The following ASAH2B variants were observed in gnomAD, a reference collection of about 807,000 sequenced individuals.
The protein encoded by ASAH2B is N-acylsphingosine amidohydrolase 2B.
In ASAH2B, 1 loss-of-function variant was observed where a neutral mutation model predicts 2.9. The ratio of observed to expected loss-of-function variants is 0.34; its 90% CI spans 0.12 to 1.63. The LOEUF (loss-of-function observed/expected upper bound fraction) is 1.63, where lower values mean the gene tolerates loss of function less well. ASAH2B is among the 40% of genes most tolerant of loss of function. ASAH2B has a pLI of 0.36. For synonymous variants in ASAH2B, 4 were observed against 13.3 expected (o/e 0.30, Z 1.52); for missense variants, 9 against 37.7 (o/e 0.24, Z 1.99).
At chr10:50,747,174 T>G (rs1412084664) in intron 3 of ASAH2B, among the ~76,000 whole-genome samples, 1 of 150,906 alleles carries the variant, frequency 6.6e-6, no homozygotes, top group East Asian at 1.9e-4. Context: ...AATTTTGAGT[T>G]AATTTTTATA....
chr10:50,742,872 A>G (rs375438645), intron 1 of ASAH2B, 43 bp from the exon 2 acceptor site: 21 of 1,599,402 alleles, frequency 1.3e-5, no homozygotes, highest in Non-Finnish European at 1.8e-5. Context: ...AAATGGATTT[A>G]AATATGCAGA....
At position 50,757,233 on chromosome 10, in the gene ASAH2B, A is replaced by G. The variant is rs567059378; in HGVS notation, c.*2493A>G. On this transcript the variant is annotated 3_prime_UTR_variant, in exon 6 of 6. Coordinates refer to ENST00000647317, the MANE Select transcript of ASAH2B (RefSeq NM_001321958.2). Reference sequence around the variant, plus strand: ...AATGTAGACAAACGAACACTTTTTTAAAAAAAGAGGTGGAACAAAAGGTGG... The same window carrying G: ...AATGTAGACAAACGAACACTTTTTTGAAAAAAGAGGTGGAACAAAAGGTGG... The G allele has an allele frequency of 6.6e-6, 1 of 151,394 alleles. No homozygotes were observed. The highest frequency in any genetic ancestry group is 2.4e-5 in the African/African-American group (1 of 41,326). The allele number at this position is 151,394 out of a possible 1,614,324, so 9.4% of individuals were successfully genotyped here. A position where few individuals can be genotyped will look rare whatever the true frequency, so the allele number is the denominator to read the frequency against.
chr10:50,741,540 C>T (rs1839831302), intron 1 of ASAH2B, among the ~76,000 whole-genome samples: 1 of 152,170 alleles, frequency 6.6e-6, no homozygotes, highest in African/African-American at 2.4e-5. Flanking sequence ...GAAGATGTAA[C>T]ATCTGTATGA....
intron 5 of ASAH2B, among the ~76,000 whole-genome samples, chr10:50,754,180 G>T (rs1188258227): frequency 4.3e-3 from 644 of 148,938 alleles, no homozygotes; most frequent in African/African-American, 0.015. Context: ...TATATATATA[G>T]AAAACAAATG....
In ASAH2B at chr10:50,755,751, C is replaced by A. The variant is rs1256933215; in HGVS notation, c.*1011C>A. 4,506 of 148,046 alleles carry A rather than the reference C, an allele frequency of 0.03. No individual in the cohort carries two copies. Among genetic ancestry groups the A allele is most frequent in the African/African-American group, 0.11 (4,215 of 39,668 alleles). 9.2% of individuals were successfully genotyped at this position (148,046 alleles called of 1,614,324 possible). On this transcript the variant is annotated 3_prime_UTR_variant, in exon 6 of 6. Transcript: ENST00000647317. ...TTATATGCCCAGAATTATAATAGTG[C>A]CTAGGCCTTGATAATTAGTGAATTT... is the stretch of plus-strand genomic sequence containing the variant.
intron 3 of ASAH2B, among the ~76,000 whole-genome samples, chr10:50,749,024 C>T (rs1453735739): frequency 6.6e-6 from 1 of 151,300 alleles, no homozygotes; most frequent in African/African-American, 2.4e-5. Flanking sequence ...TTCAAATATT[C>T]CCTGTATTTG....
intron 5 of ASAH2B, among the ~76,000 whole-genome samples, 188 bp from the exon 6 acceptor site, chr10:50,754,362 GT>G (rs1837036817): frequency 8.6e-6 from 1 of 115,944 alleles, no homozygotes; most frequent in Non-Finnish European, 1.7e-5. Flanking sequence ...GTTCTTTAAA[GT>G]TTCTCTTCTA....
In ASAH2B at chr10:50,741,518, G is replaced by A. The variant is rs557532371; in HGVS notation, c.-99-1397G>A. Among the ~76,000 whole-genome samples the A allele has an allele frequency of 3.3e-5, 5 of 152,330 alleles. No individual in the cohort carries two copies. The South Asian group carries it at 1.0e-3, about 32-fold the overall frequency. ...AGCCCAGACTGGGTATTTGAGTACT[G>A]GGACTGTTCAGGAAGATGTAACATC... On this transcript the variant is annotated intron_variant, in intron 1 of 5. Transcript: ENST00000647317.
chr10:50,758,890 TATGGTC>T lies in ASAH2B; in HGVS notation c.*4151_*4156del, dbSNP rs1297047664. On this transcript the variant is annotated 3_prime_UTR_variant, in exon 6 of 6. Coordinates refer to ENST00000647317, the MANE Select transcript of ASAH2B (RefSeq NM_001321958.2). ...TCAGGGAATTAGAGAGGGCACCTAA[TATGGTC>T]TTGGGGATGTTTCAGTAAGTTTCCT... 3 of 151,942 alleles carry T rather than the reference TATGGTC, an allele frequency of 2.0e-5. No individual in the cohort carries two copies. The highest frequency in any genetic ancestry group is 4.4e-5 in the Non-Finnish European group (3 of 67,888). 9.4% of individuals were successfully genotyped at this position (151,942 alleles called of 1,614,324 possible). A position where few individuals can be genotyped will look rare whatever the true frequency, so the allele number is the denominator to read the frequency against.
Position 50,758,882 on chromosome 10 carries a change from G to T in ASAH2B, c.*4142G>T, listed in dbSNP as rs1381989197. ...GTTATTGTTCAGGGAATTAGAGAGG[G>T]CACCTAATATGGTCTTGGGGATGTT... On this transcript the variant is annotated 3_prime_UTR_variant, in exon 6 of 6. Coordinates refer to ENST00000647317, the MANE Select transcript of ASAH2B (RefSeq NM_001321958.2). The T allele has an allele frequency of 2.0e-5, 3 of 151,960 alleles. No homozygotes were observed. The highest frequency in any genetic ancestry group is 4.4e-5 in the Non-Finnish European group (3 of 67,896). 9.4% of individuals were successfully genotyped at this position (151,960 alleles called of 1,614,324 possible).
At chr10:50,742,870 T>A in intron 1 of ASAH2B, 45 bp from the exon 2 acceptor site, 2 of 1,601,984 alleles carry the variant, frequency 1.2e-6, no homozygotes, top group Non-Finnish European at 1.7e-6. Context: ...GTAAATGGAT[T>A]TAAATATGCA....
chr10:50,741,151 T>A (rs1455009432), intron 1 of ASAH2B, among the ~76,000 whole-genome samples: 2 of 152,252 alleles, frequency 1.3e-5, no homozygotes, highest in Non-Finnish European at 1.5e-5. Context: ...TTTTTCAGTT[T>A]CTTTAAGAAC....
rs1371598693 is a variant in ASAH2B at position 50,758,871 on chromosome 10, A to C, written c.*4131A>C. 6.6e-6 allele frequency: 1 copy of C among 151,974 alleles called. No homozygotes were observed. Among genetic ancestry groups the C allele is most frequent in the African/African-American group, 2.4e-5 (1 of 41,430 alleles). The allele number at this position is 151,974 out of a possible 1,614,324, so 9.4% of individuals were successfully genotyped here. On this transcript the variant is annotated 3_prime_UTR_variant, in exon 6 of 6. Coordinates refer to ENST00000647317, the MANE Select transcript of ASAH2B (RefSeq NM_001321958.2). ...TGACCCATATTGTTATTGTTCAGGG[A>C]ATTAGAGAGGGCACCTAATATGGTC...
chr10:50,759,186 T>TA lies in ASAH2B; in HGVS notation c.*4446_*4447insA, dbSNP rs1210073199. Reference sequence around the variant, plus strand: ...ATACTTGTATTAGCATTTTTCCCCCTTGACATCAATGTCCTTGAATGTATT... The same window carrying TA: ...ATACTTGTATTAGCATTTTTCCCCCTATGACATCAATGTCCTTGAATGTATT... On this transcript the variant is annotated 3_prime_UTR_variant, in exon 6 of 6. Transcript: ENST00000647317. The TA allele has an allele frequency of 1.6e-5, 1 of 60,852 alleles. No individual in the cohort carries two copies. Among genetic ancestry groups the TA allele is most frequent in the African/African-American group, 3.1e-5 (1 of 32,566 alleles). The allele number at this position is 60,852 out of a possible 1,614,324, so 3.8% of individuals were successfully genotyped here. A position where few individuals can be genotyped will look rare whatever the true frequency, so the allele number is the denominator to read the frequency against.
At position 50,756,589 on chromosome 10, in the gene ASAH2B, A is replaced by G. The variant is rs1467497358; in HGVS notation, c.*1849A>G. On this transcript the variant is annotated 3_prime_UTR_variant, in exon 6 of 6. Coordinates refer to ENST00000647317, the MANE Select transcript of ASAH2B (RefSeq NM_001321958.2). ...ATTCCTTCTATTGAAGCTTTCCTCA[A>G]ATCTACTTGTGATTCCTGATAGCTC... The G allele has an allele frequency of 1.3e-5, 2 of 151,944 alleles. No individual in the cohort carries two copies. The highest frequency in any genetic ancestry group is 1.3e-4 in the Admixed American group (2 of 15,226). The allele number at this position is 151,944 out of a possible 1,614,324, so 9.4% of individuals were successfully genotyped here.
intron 4 of ASAH2B, among the ~76,000 whole-genome samples, chr10:50,751,457 A>G (rs1222873434): frequency 4.0e-5 from 6 of 149,816 alleles, no homozygotes; most frequent in Non-Finnish European, 9.0e-5. Flanking sequence ...TTCAGTCTCT[A>G]CTCTAGACAT....
rs981948259 is a variant in ASAH2B at position 50,757,196 on chromosome 10, C to T, written c.*2456C>T. Reference sequence around the variant, plus strand: ...AGAATTACACTCATAAAAGTATTGTCTAATGAAAGGTAATGTAGACAAACG... The same window carrying T: ...AGAATTACACTCATAAAAGTATTGTTTAATGAAAGGTAATGTAGACAAACG... On this transcript the variant is annotated 3_prime_UTR_variant, in exon 6 of 6. Transcript: ENST00000647317. 1.3e-5 allele frequency: 2 copies of T among 151,052 alleles called. No individual in the cohort carries two copies. Among genetic ancestry groups the T allele is most frequent in the African/African-American group, 4.9e-5 (2 of 41,174 alleles). 9.4% of individuals were successfully genotyped at this position (151,052 alleles called of 1,614,324 possible). A position where few individuals can be genotyped will look rare whatever the true frequency, so the allele number is the denominator to read the frequency against.
intron 3 of ASAH2B, among the ~76,000 whole-genome samples, chr10:50,746,776 C>T (rs1262959335): frequency 6.6e-6 from 1 of 150,954 alleles, no homozygotes; most frequent in Non-Finnish European, 1.5e-5. Context: ...TAAAAAAATA[C>T]CCTGTTGAGC....
Position 50,742,972 on chromosome 10 carries a change from A to G in ASAH2B, c.-42A>G, listed in dbSNP as rs1839853636. ...TGGACCGCACGCATTATCTGCTTAC[A>G]TTCAGCTCTTCAGAAACCTTGCTAA... On this transcript the variant is annotated 5_prime_UTR_variant, in exon 2 of 6. Coordinates refer to ENST00000647317, the MANE Select transcript of ASAH2B (RefSeq NM_001321958.2). 1.9e-6 allele frequency: 3 copies of G among 1,613,992 alleles called. No individual in the cohort carries two copies. In the Admixed American group the frequency reaches 5.0e-5, roughly 27 times the overall value.
Sources: gnomAD v4.1 joint callset for allele counts (sites outside exome capture counted in the v4.1 genomes callset) on GRCh38, gnomAD v4.1.1 for gene constraint, MANE v1.5 for transcripts, NCBI Gene and HGNC (gene_info 2026-07-23, HGNC 2026-07-21) for gene names.